ADGRG7: variants seen among roughly 807,000 people sequenced by gnomAD.
ADGRG7 encodes the protein G-protein coupled receptor 128.
ADGRG7 carries 82 observed loss-of-function variants against 88.6 expected under a neutral mutation model. That is an observed-to-expected ratio of 0.93 (90% CI 0.77 to 1.11). ADGRG7 has a LOEUF of 1.11. ADGRG7 is among the 50% of genes most tolerant of loss of function. ADGRG7 has a pLI of 0.00. For missense variants in ADGRG7, 945 were observed against 953.4 expected, an observed-to-expected ratio of 0.99 and a Z score of 0.12; for synonymous variants, 381 against 345.2, an observed-to-expected ratio of 1.10 and a Z score of -1.15.
intron 15 of ADGRG7, among the ~76,000 whole-genome samples, chr3:100,672,635 A>T (rs1409252128): frequency 6.6e-6 from 1 of 152,142 alleles, no homozygotes; most frequent in African/African-American, 2.4e-5. Context: ...GTCTTGTGCC[A>T]GTTTTCAAAG....
chr3:100,653,873 G>A (rs530095133), intron 11 of ADGRG7, among the ~76,000 whole-genome samples: 1 of 152,212 alleles, frequency 6.6e-6, no homozygotes, highest in East Asian at 1.9e-4. Flanking sequence ...AAAGCTGTCA[G>A]TGTTATAGGA....
chr3:100,651,450 C>T (rs533216548), intron 11 of ADGRG7, among the ~76,000 whole-genome samples: 1 of 152,214 alleles, frequency 6.6e-6, no homozygotes, highest in Non-Finnish European at 1.5e-5. Context: ...CAAAACCTCA[C>T]TCTTTTCATT....
intron 1 of ADGRG7, among the ~76,000 whole-genome samples, chr3:100,625,943 A>T (rs1707374047): frequency 6.6e-6 from 1 of 151,954 alleles, no homozygotes; most frequent in Non-Finnish European, 1.5e-5. Context: ...ATCGATGTGC[A>T]TCAGGGATAT....
chr3:100,611,992 G>A (rs1707160985), intron 1 of ADGRG7, among the ~76,000 whole-genome samples: 1 of 151,944 alleles, frequency 6.6e-6, no homozygotes, highest in South Asian at 2.1e-4. Flanking sequence ...GGGGGAGAGA[G>A]GTCACACATA....
intron 3 of ADGRG7, among the ~76,000 whole-genome samples, chr3:100,631,673 C>T (rs187235257): frequency 6.6e-5 from 10 of 152,268 alleles, no homozygotes; most frequent in African/African-American, 2.2e-4. Context: ...GGCAATGGCC[C>T]TGAAGAGAAT....
At chr3:100,619,908 A>G (rs908001344) in intron 1 of ADGRG7, among the ~76,000 whole-genome samples, 4 of 152,234 alleles carry the variant, frequency 2.6e-5, no homozygotes, top group African/African-American at 9.6e-5. Context: ...AAATTGAGGC[A>G]ATAATCAATA....
Position 100,615,438 on chromosome 3 carries a change from A to G in ADGRG7, c.115+5467A>G, listed in dbSNP as rs1337368944. On this transcript the variant is annotated intron_variant, in intron 1 of 15. Transcript: ENST00000273352. ...ACAAGGTGTTAAACAGGTGATTGTG[A>G]CAGAGGAATTGTTAGTTCAACTTGG... Among the ~76,000 whole-genome samples, 3 of 152,190 alleles carry G rather than the reference A, an allele frequency of 2.0e-5. No individual in the cohort carries two copies. In the South Asian group the frequency reaches 6.2e-4, roughly 32 times the overall value.
intron 1 of ADGRG7, among the ~76,000 whole-genome samples, chr3:100,613,845 T>C (rs1481162703): frequency 6.6e-6 from 1 of 152,110 alleles, no homozygotes; most frequent in Non-Finnish European, 1.5e-5. Flanking sequence ...CTTGAGAGTA[T>C]AGGGGAAAAA....
intron 11 of ADGRG7, 30 bp from the exon 12 acceptor site, chr3:100,654,805 A>C: frequency 7.4e-7 from 1 of 1,356,490 alleles, no homozygotes; most frequent in Non-Finnish European, 1.0e-6. Context: ...GTTTCATTTA[A>C]TTTTTTTATA....
Position 100,643,634 on chromosome 3 carries a change from G to A in ADGRG7, c.946+1G>A. ...CAGGTCTTGCTTAATATGACGAAAA[G>A]TAAGTCTCAAACTTTGTGACATTTA... On this transcript the variant is annotated splice_donor_variant, in intron 8 of 15. Coordinates refer to ENST00000273352, the MANE Select transcript of ADGRG7 (RefSeq NM_032787.3). LOFTEE classifies it high-confidence loss of function. The A allele has an allele frequency of 2.5e-6, 4 of 1,602,408 alleles. No homozygotes were observed. Among genetic ancestry groups the A allele is most frequent in the Non-Finnish European group, 3.4e-6 (4 of 1,170,786 alleles).
intron 1 of ADGRG7, among the ~76,000 whole-genome samples, chr3:100,619,407 A>G (rs1392194701): frequency 6.6e-6 from 1 of 152,238 alleles, no homozygotes; most frequent in Non-Finnish European, 1.5e-5. Context: ...CATTCAAAGC[A>G]GTGTGTAGAG....
intron 13 of ADGRG7, among the ~76,000 whole-genome samples, chr3:100,656,420 T>C (rs2094937629): frequency 6.6e-6 from 1 of 152,226 alleles, no homozygotes; most frequent in Non-Finnish European, 1.5e-5. Flanking sequence ...ACACTATATG[T>C]CTCACTCATA....
At chr3:100,693,503 C>T (rs1045420906) in intron 15 of ADGRG7, among the ~76,000 whole-genome samples, 1 of 152,162 alleles carries the variant, frequency 6.6e-6, no homozygotes, top group African/African-American at 2.4e-5. Flanking sequence ...CTCTTGCCAA[C>T]ACTTATTGAT....
chr3:100,668,611 G>T (rs2094954531), intron 14 of ADGRG7, among the ~76,000 whole-genome samples: 2 of 152,186 alleles, frequency 1.3e-5, no homozygotes, highest in Admixed American at 1.3e-4. Flanking sequence ...CAAAAAAGGG[G>T]ATTCCTCCAT....
intron 15 of ADGRG7, among the ~76,000 whole-genome samples, chr3:100,684,064 C>G (rs913384003): frequency 6.6e-6 from 1 of 152,118 alleles, no homozygotes; most frequent in African/African-American, 2.4e-5. Context: ...AGTCCCACTT[C>G]ATCTTGAAAT....
chr3:100,637,510 G>A (rs1707565726), intron 6 of ADGRG7, 108 bp downstream of exon 6: 1 of 737,356 alleles, frequency 1.4e-6, no homozygotes, highest in South Asian at 1.7e-5. Context: ...TGCAGTAACT[G>A]ACTGATTCCT....
intron 1 of ADGRG7, among the ~76,000 whole-genome samples, chr3:100,611,701 T>A (rs970310974): frequency 6.6e-6 from 1 of 152,234 alleles, no homozygotes; most frequent in Non-Finnish European, 1.5e-5. Context: ...AAGGGTCATC[T>A]CTTAGCTTTG....
chr3:100,620,210 A>G (rs183077967), intron 1 of ADGRG7, among the ~76,000 whole-genome samples: 151 of 152,326 alleles, frequency 9.9e-4, no homozygotes, highest in African/African-American at 3.3e-3. Flanking sequence ...CTTATCCACC[A>G]TGATCAAGTG....
chr3:100,652,560 C>T (rs1234944742), intron 11 of ADGRG7, among the ~76,000 whole-genome samples: 1 of 152,060 alleles, frequency 6.6e-6, no homozygotes, highest in Non-Finnish European at 1.5e-5. Context: ...TGTAACATGC[C>T]TTTAAGGGGA....
Sources: gnomAD v4.1 joint callset for allele counts (sites outside exome capture counted in the v4.1 genomes callset) on GRCh38, gnomAD v4.1.1 for gene constraint, MANE v1.5 for transcripts, NCBI Gene and HGNC (gene_info 2026-07-23, HGNC 2026-07-21) for gene names.